Variants in ARL17B observed in about 807,000 individuals in gnomAD.
ARL17B encodes the protein ARF like GTPase 17B.
intron 4 of ARL17B, among the ~76,000 whole-genome samples, chr17:46,275,590 C>T (rs1161114550): frequency 6.6e-6 from 1 of 152,216 alleles, no homozygotes; most frequent in Non-Finnish European, 1.5e-5. Flanking sequence ...AATAATAAAA[C>T]TTTTCACTGT....
chr17:46,289,524 G>C (rs1304791333), intron 4 of ARL17B, among the ~76,000 whole-genome samples: 1 of 152,136 alleles, frequency 6.6e-6, no homozygotes, highest in African/African-American at 2.4e-5. Flanking sequence ...AATTCTTTTA[G>C]AGATAGGGTT....
intron 3 of ARL17B, among the ~76,000 whole-genome samples, chr17:46,321,357 GAAAAAAAA>G (rs763727306): frequency 1.3e-4 from 4 of 31,356 alleles, no homozygotes; most frequent in African/African-American, 3.1e-4. Flanking sequence ...CTCCGTCTCA[GAAAAAAAA>G]AAAAAAAAAA....
intron 4 of ARL17B, among the ~76,000 whole-genome samples, chr17:46,275,760 T>C (rs1308931480): frequency 6.6e-6 from 1 of 152,254 alleles, no homozygotes; most frequent in African/African-American, 2.4e-5. Flanking sequence ...TGTGTGTATG[T>C]GTGTGTTTAT....
chr17:46,284,280 G>A (rs565753927), intron 4 of ARL17B, among the ~76,000 whole-genome samples: 2 of 152,370 alleles, frequency 1.3e-5, no homozygotes, highest in African/African-American at 2.4e-5. Context: ...AGGTCCCTGC[G>A]GCCTTCCGCA....
intron 4 of ARL17B, among the ~76,000 whole-genome samples, chr17:46,279,043 A>G (rs557192017): frequency 3.3e-5 from 5 of 151,968 alleles, no homozygotes; most frequent in South Asian, 4.2e-4. Context: ...GGTGATCCAC[A>G]TGCCTTGGCC....
intron 4 of ARL17B, among the ~76,000 whole-genome samples, chr17:46,292,080 C>A (rs1204954297): frequency 1.4e-5 from 2 of 143,630 alleles, no homozygotes; most frequent in African/African-American, 5.2e-5. Flanking sequence ...ACCTGCAATC[C>A]CAGCACTTTG....
At chr17:46,340,907 CTT>C (rs1277539568) in intron 3 of ARL17B, among the ~76,000 whole-genome samples, 4 of 76,096 alleles carry the variant, frequency 5.3e-5, no homozygotes, top group African/African-American at 3.9e-5. Flanking sequence ...CTCTTTTATT[CTT>C]TTTTTTTTTT....
At chr17:46,323,430 T>C (rs1177418614) in intron 3 of ARL17B, among the ~76,000 whole-genome samples, 2 of 101,626 alleles carry the variant, frequency 2.0e-5, no homozygotes, top group Non-Finnish European at 4.6e-5. Context: ...GGAATCTCAC[T>C]CTGTCGCCCA....
At chr17:46,297,298 ACCTGG>A, downstream of ARL17B, 1 of 544,360 alleles carries the variant, frequency 1.8e-6, no homozygotes, top group Non-Finnish European at 3.1e-6. Context: ...CAACCTCTGG[ACCTGG>A]AGCTTACCAT....
chr17:46,278,401 G>GTTTTTTTTTTTTTT (rs1464305633), intron 4 of ARL17B, among the ~76,000 whole-genome samples: 1 of 129,700 alleles, frequency 7.7e-6, no homozygotes. Flanking sequence ...GTTTTATTTT[G>GTTTTTTTTTTTTTT]TTTTTTTTTT....
intron 3 of ARL17B, among the ~76,000 whole-genome samples, chr17:46,308,799 A>C (rs1410139458): frequency 1.3e-5 from 1 of 76,218 alleles, no homozygotes; most frequent in African/African-American, 3.4e-5. Context: ...AAAAACAAAC[A>C]AAAAAAGAGG....
intron 4 of ARL17B, among the ~76,000 whole-genome samples, chr17:46,280,991 G>C (rs1411568650): frequency 6.6e-6 from 1 of 152,138 alleles, no homozygotes; most frequent in Non-Finnish European, 1.5e-5. Flanking sequence ...TAGACTTCTA[G>C]GTTGAAAATC....
chr17:46,317,176 C>A lies in ARL17B; in HGVS notation c.260-17511G>T, dbSNP rs1433650216. On this transcript the variant is annotated intron_variant, in intron 3 of 4. Transcript: ENST00000434041. ...CCGGGCAGAGGCGCTCCTCACATCCCAGACGGGCATGCCCAGTTAGTTTTA... is the reference window on the plus strand; with the variant it reads ...CCGGGCAGAGGCGCTCCTCACATCCAAGACGGGCATGCCCAGTTAGTTTTA... 2.3e-5 allele frequency among the ~76,000 whole-genome samples: 2 copies of A among 87,504 alleles called. 1 individual carries two copies. The highest frequency in any genetic ancestry group is 4.6e-4 in the East Asian group (2 of 4,324). The allele number at this position is 87,504 out of a possible 152,430, so 57.4% of individuals were successfully genotyped here.
chr17:46,274,875 TTTTTTC>T (rs2049545723), exon 5 of ARL17B: 1 of 152,664 alleles, frequency 6.6e-6, no homozygotes, highest in Non-Finnish European at 1.5e-5. Context: ...TTGACTTTTC[TTTTTTC>T]TTTTTCTTTT....
chr17:46,354,659 AAG>A (rs2052849112), intron 2 of ARL17B, among the ~76,000 whole-genome samples: 1 of 115,666 alleles, frequency 8.6e-6, no homozygotes. Context: ...TTAAAAAAAA[AAG>A]AAAGAATAAG....
At chr17:46,287,117 T>C (rs759690282) in intron 4 of ARL17B, among the ~76,000 whole-genome samples, 8,914 of 133,804 alleles carry the variant, frequency 0.067, no homozygotes, top group Middle Eastern at 0.13. Flanking sequence ...ATTCTACCCC[T>C]GGCAAACTCC....
In ARL17B at chr17:46,340,968, T is replaced by C. The variant is rs2052513064; in HGVS notation, c.260-1194A>G. ...GTTGCCCAGGCTGGTTTTGAACTCC[T>C]GGCCTCAAGTGATCCTCCCGCCTTG... On this transcript the variant is annotated intron_variant, in intron 3 of 3. Transcript: ENST00000450673. Among the ~76,000 whole-genome samples the C allele has an allele frequency of 2.6e-5, 2 of 76,080 alleles. 1 individual carries two copies. The highest frequency in any genetic ancestry group is 8.1e-5 in the African/African-American group (2 of 24,624). The allele number at this position is 76,080 out of a possible 152,430, so 49.9% of individuals were successfully genotyped here.
intron 4 of ARL17B, among the ~76,000 whole-genome samples, chr17:46,285,692 G>C (rs1474279307): frequency 6.6e-6 from 1 of 152,236 alleles, no homozygotes; most frequent in Non-Finnish European, 1.5e-5. Flanking sequence ...CTGAGGTGGT[G>C]TGGGGATATG....
downstream of ARL17B, chr17:46,332,751 CTGCT>C: frequency 4.4e-6 from 2 of 452,356 alleles, no homozygotes; most frequent in South Asian, 3.7e-5. Flanking sequence ...ACTTTCCCAC[CTGCT>C]GCTACTTGAC....
Sources: allele counts gnomAD v4.1 joint callset (sites outside exome capture counted in the v4.1 genomes callset), GRCh38; gene constraint gnomAD v4.1.1; transcripts MANE v1.5; gene names NCBI Gene and HGNC (gene_info 2026-07-23, HGNC 2026-07-21).